Variants in GLCE observed in about 807,000 individuals in gnomAD.
GLCE encodes glucuronic acid epimerase.
In GLCE, 19 loss-of-function variants were observed where a neutral mutation model predicts 47.9. That is an observed-to-expected ratio of 0.40 (90% confidence interval 0.28 to 0.58). GLCE has a LOEUF of 0.58. GLCE is among the 20% of genes least tolerant of loss of function. GLCE has a pLI of 0.48. For missense variants in GLCE, 556 were observed against 743.3 expected, an observed-to-expected ratio of 0.75 and a Z score of 2.93; for synonymous variants, 245 against 263.4, an observed-to-expected ratio of 0.93 and a Z score of 0.68.
intron 1 of GLCE, among the ~76,000 whole-genome samples, chr15:69,167,304 G>A (rs1158463264): frequency 6.6e-6 from 1 of 152,196 alleles, no homozygotes; most frequent in Non-Finnish European, 1.5e-5. Context: ...AGGGGAAGAA[G>A]CAAAAGCCTA....
At chr15:69,166,802 C>T (rs1382979023) in intron 1 of GLCE, among the ~76,000 whole-genome samples, 10 of 148,654 alleles carry the variant, frequency 6.7e-5, no homozygotes, top group Non-Finnish European at 4.4e-5. Flanking sequence ...CGCCTGTAAT[C>T]CCAGCTATTC....
intron 4 of GLCE, among the ~76,000 whole-genome samples, chr15:69,265,195 A>G (rs2140454922): frequency 6.6e-6 from 1 of 152,294 alleles, no homozygotes; most frequent in Non-Finnish European, 1.5e-5. Flanking sequence ...AAAAATAAAC[A>G]GTTATAGTAA....
chr15:69,261,061 A>G (rs747442490), intron 3 of GLCE, 26 bp from the exon 4 acceptor site: 4 of 1,598,408 alleles, frequency 2.5e-6, no homozygotes, highest in Middle Eastern at 1.7e-4. Context: ...GGATATGATT[A>G]TTCATTTTGT....
chr15:69,232,993 A>G (rs1246935927), intron 2 of GLCE, among the ~76,000 whole-genome samples: 2 of 152,208 alleles, frequency 1.3e-5, no homozygotes, highest in African/African-American at 2.4e-5. Flanking sequence ...AAGAATACAC[A>G]ATTGAGAAAC....
chr15:69,188,638 A>G (rs905240366), intron 1 of GLCE, among the ~76,000 whole-genome samples: 5 of 152,090 alleles, frequency 3.3e-5, no homozygotes, highest in African/African-American at 9.7e-5. Flanking sequence ...GAGCTTTATA[A>G]TTTGTCTTTC....
chr15:69,164,456 A>G (rs961347279), intron 1 of GLCE, among the ~76,000 whole-genome samples: 1 of 151,028 alleles, frequency 6.6e-6, no homozygotes, highest in African/African-American at 2.4e-5. Context: ...ACTTACATAC[A>G]TTTTATATAT....
intron 2 of GLCE, among the ~76,000 whole-genome samples, chr15:69,243,073 A>AG (rs1259982846): frequency 6.7e-6 from 1 of 150,370 alleles, no homozygotes; most frequent in Admixed American, 6.6e-5. Flanking sequence ...AAAAAAAAAA[A>AG]AAAGAAAGAA....
At chr15:69,193,368 T>C (rs79938240) in intron 1 of GLCE, among the ~76,000 whole-genome samples, 1,755 of 152,230 alleles carry the variant, frequency 0.012, 26 homozygotes, top group African/African-American at 0.038. Context: ...CTCTTTGTCC[T>C]TCATATTCAG....
In GLCE at chr15:69,270,770, T is replaced by C. The variant is rs917525262; in HGVS notation, c.*1526T>C. The C allele has an allele frequency of 6.6e-6, 1 of 152,152 alleles. No homozygotes were observed. Among genetic ancestry groups the C allele is most frequent in the Non-Finnish European group, 1.5e-5 (1 of 68,022 alleles). 9.4% of individuals were successfully genotyped at this position (152,152 alleles called of 1,614,324 possible). A position where few individuals can be genotyped will look rare whatever the true frequency, so the allele number is the denominator to read the frequency against. On this transcript the variant is annotated 3_prime_UTR_variant, in exon 5 of 5. Transcript: ENST00000261858. ...GGGGCAGAAGCAAAGAAGATACAGA[T>C]CTGCACTGAAGACATTAGACTGGCC...
chr15:69,198,105 A>T (rs1170757153), intron 1 of GLCE, among the ~76,000 whole-genome samples: 1 of 152,134 alleles, frequency 6.6e-6, no homozygotes, highest in East Asian at 1.9e-4. Context: ...CCTCACATGT[A>T]TACTTTTTTC....
chr15:69,204,346 G>A (rs143810774), intron 1 of GLCE, among the ~76,000 whole-genome samples: 114 of 137,556 alleles, frequency 8.3e-4, no homozygotes, highest in African/African-American at 2.7e-3. Context: ...GCAGTGGCAC[G>A]ATCTCAGCTC....
intron 2 of GLCE, among the ~76,000 whole-genome samples, chr15:69,245,759 C>T (rs2052737408): frequency 6.6e-6 from 1 of 152,070 alleles, no homozygotes; most frequent in South Asian, 2.1e-4. Flanking sequence ...GACAGAGTCT[C>T]ACTCTGTCAT....
intron 1 of GLCE, among the ~76,000 whole-genome samples, chr15:69,183,264 C>T (rs2051776372): frequency 6.6e-6 from 1 of 152,096 alleles, no homozygotes; most frequent in Non-Finnish European, 1.5e-5. Context: ...CTAAAATCTT[C>T]AAGAAATAAA....
intron 2 of GLCE, among the ~76,000 whole-genome samples, chr15:69,245,484 G>A (rs1250045986): frequency 6.6e-6 from 1 of 152,200 alleles, no homozygotes; most frequent in African/African-American, 2.4e-5. Flanking sequence ...AATGCTCAGG[G>A]TGGTGGTTGC....
At chr15:69,173,493 T>A (rs1283757927) in intron 1 of GLCE, among the ~76,000 whole-genome samples, 9 of 152,124 alleles carry the variant, frequency 5.9e-5, no homozygotes, top group African/African-American at 2.2e-4. Flanking sequence ...CTAGGAACAA[T>A]GAATGAAAGT....
intron 2 of GLCE, among the ~76,000 whole-genome samples, chr15:69,214,098 A>C (rs554853042): frequency 1.3e-5 from 2 of 152,048 alleles, no homozygotes; most frequent in Non-Finnish European, 1.5e-5. Context: ...TTTAGTCCTG[A>C]AATCACTTAC....
At chr15:69,228,354 A>C (rs1386210093) in intron 2 of GLCE, among the ~76,000 whole-genome samples, 8 of 152,208 alleles carry the variant, frequency 5.3e-5, no homozygotes, top group African/African-American at 1.9e-4. Flanking sequence ...TGGGAAGGGT[A>C]TACATAAAGT....
At chr15:69,177,681 G>GC (rs2051689318) in intron 1 of GLCE, among the ~76,000 whole-genome samples, 1 of 151,118 alleles carries the variant, frequency 6.6e-6, no homozygotes, top group South Asian at 2.1e-4. Flanking sequence ...TTTACTTCAT[G>GC]CCCCTTTATC....
At chr15:69,245,095 G>A (rs141319134) in intron 2 of GLCE, among the ~76,000 whole-genome samples, 4,897 of 152,188 alleles carry the variant, frequency 0.032, 113 homozygotes, top group Non-Finnish European at 0.051. Context: ...ACTTTGGGAG[G>A]CCAAGGTGGG....
Sources: allele counts gnomAD v4.1 joint callset (sites outside exome capture counted in the v4.1 genomes callset), GRCh38; gene constraint gnomAD v4.1.1; transcripts MANE v1.5; gene names NCBI Gene and HGNC (gene_info 2026-07-23, HGNC 2026-07-21).